The following REEP5 variants were observed in gnomAD, a reference collection of about 807,000 sequenced individuals.
REEP5 encodes the protein receptor accessory protein 5.
REEP5 carries 24 observed loss-of-function variants against 22.4 expected under a neutral mutation model. The ratio of observed to expected loss-of-function variants is 1.07; its 90% CI spans 0.78 to 1.51. The LOEUF (loss-of-function observed/expected upper bound fraction) is 1.51. Ranked by LOEUF, REEP5 falls within the 40% of genes most tolerant of loss-of-function variation. REEP5 has a pLI of 0.00. For missense variants in REEP5, 252 were observed against 233.0 expected (o/e 1.08, Z -0.53); for synonymous variants, 103 against 88.6 (o/e 1.16, Z -0.92).
intron 3 of REEP5, among the ~76,000 whole-genome samples, chr5:112,901,817 G>T (rs1768854086): frequency 6.6e-6 from 1 of 151,310 alleles, no homozygotes; most frequent in South Asian, 2.1e-4. Flanking sequence ...ACAAAAATTA[G>T]CCAAGCATGG....
chr5:112,897,076 A>G (rs982666999), intron 3 of REEP5: 1 of 152,224 alleles, frequency 6.6e-6, no homozygotes, highest in Non-Finnish European at 1.5e-5. Context: ...ATAACATTAG[A>G]TAGCTATGTC....
At chr5:112,881,872 C>T (rs1372119052) in intron 4 of REEP5, 3 of 152,138 alleles carry the variant, frequency 2.0e-5, no homozygotes, top group African/African-American at 7.2e-5. Context: ...TCAGGTGATC[C>T]TCCCATCTCA....
chr5:112,918,109 G>A (rs995005217), intron 2 of REEP5, among the ~76,000 whole-genome samples: 38 of 152,176 alleles, frequency 2.5e-4, no homozygotes, highest in Non-Finnish European at 4.4e-5. Flanking sequence ...TATGTCAACA[G>A]TTCTTGATGA....
intron 2 of REEP5, among the ~76,000 whole-genome samples, chr5:112,914,103 A>C (rs1349321378): frequency 6.7e-6 from 1 of 150,342 alleles, no homozygotes; most frequent in African/African-American, 2.4e-5. Context: ...TGTTCATGCC[A>C]TTGCACTCAG....
In REEP5 at chr5:112,915,997, G is replaced by A. The variant is rs60696542; in HGVS notation, c.212+5166C>T. Among the ~76,000 whole-genome samples the A allele has an allele frequency of 7.4e-3, 1,127 of 152,014 alleles. 13 individuals carry two copies. The highest frequency in any genetic ancestry group is 0.025 in the African/African-American group (1,055 of 41,472). ...TTAAGGAAACAGCTCTGCTTCCAGT[G>A]ACTAGCTGCAAAACAGAAAGTGTCT... On this transcript the variant is annotated intron_variant, in intron 2 of 4. Transcript: ENST00000379638.
At chr5:112,905,563 A>ACAAAC (rs1416342657) in intron 2 of REEP5, among the ~76,000 whole-genome samples, 3 of 147,526 alleles carry the variant, frequency 2.0e-5, no homozygotes, top group African/African-American at 5.0e-5. Context: ...AAACAAAAAA[A>ACAAAC]AAACAAACTT....
intron 2 of REEP5, among the ~76,000 whole-genome samples, chr5:112,919,512 A>G (rs1388287909): frequency 6.6e-6 from 1 of 152,062 alleles, no homozygotes; most frequent in Non-Finnish European, 1.5e-5. Context: ...GTTGCAGTGA[A>G]CTGAGATTAC....
chr5:112,914,280 C>T (rs1199528396), intron 2 of REEP5, among the ~76,000 whole-genome samples: 1 of 151,402 alleles, frequency 6.6e-6, no homozygotes, highest in Non-Finnish European at 1.5e-5. Context: ...GACAGGGTCT[C>T]ACTCTGTCAC....
chr5:112,917,839 A>C (rs569892503), intron 2 of REEP5, among the ~76,000 whole-genome samples: 1 of 152,340 alleles, frequency 6.6e-6, no homozygotes, highest in South Asian at 2.1e-4. Context: ...AGTGGTTTCC[A>C]GGGGCTGGGT....
chr5:112,899,658 C>CT (rs1253183765), intron 3 of REEP5, among the ~76,000 whole-genome samples: 3 of 152,076 alleles, frequency 2.0e-5, no homozygotes, highest in Non-Finnish European at 4.4e-5. Context: ...TTGTGCAGCT[C>CT]TTTAATGCAC....
At chr5:112,891,220 G>A (rs924411114) in intron 3 of REEP5, among the ~76,000 whole-genome samples, 5 of 151,988 alleles carry the variant, frequency 3.3e-5, no homozygotes, top group Admixed American at 6.6e-5. Context: ...TTACAGGCAC[G>A]TGCTACCAAG....
At chr5:112,921,429 T>C in intron 1 of REEP5, 173 bp from the exon 2 acceptor site, 1 of 655,204 alleles carries the variant, frequency 1.5e-6, no homozygotes, top group Non-Finnish European at 2.7e-6. Context: ...CGCTGGGCTA[T>C]GCCTTGAAGT....
At chr5:112,905,342 AC>A (rs1768932096) in intron 2 of REEP5, among the ~76,000 whole-genome samples, 1 of 152,066 alleles carries the variant, frequency 6.6e-6, no homozygotes, top group East Asian at 1.9e-4. Context: ...GAAGTTCAAG[AC>A]CAGCCTGGCC....
At chr5:112,921,364 G>T in intron 1 of REEP5, 108 bp from the exon 2 acceptor site, 2 of 1,031,118 alleles carry the variant, frequency 1.9e-6, no homozygotes, top group South Asian at 1.3e-5. Context: ...TTTTCCTCTC[G>T]ACTCGATTAA....
At chr5:112,891,583 T>C (rs1580736897) in intron 3 of REEP5, 1 of 1,553,686 alleles carries the variant, frequency 6.4e-7, no homozygotes, top group South Asian at 1.2e-5. Flanking sequence ...ATGAACAAAA[T>C]CTTCCATATA....
intron 3 of REEP5, among the ~76,000 whole-genome samples, chr5:112,899,139 G>A (rs1768782647): frequency 6.6e-6 from 1 of 151,928 alleles, no homozygotes; most frequent in South Asian, 2.1e-4. Context: ...AGTGCAGTTG[G>A]GTGATCATTG....
intron 4 of REEP5, among the ~76,000 whole-genome samples, chr5:112,879,120 T>G (rs1249164686): frequency 6.6e-6 from 1 of 152,136 alleles, no homozygotes; most frequent in East Asian, 1.9e-4. Context: ...CCCTCTATTC[T>G]CCTTTAAGCA....
intron 2 of REEP5, among the ~76,000 whole-genome samples, chr5:112,906,833 G>A (rs1394228064): frequency 6.6e-6 from 1 of 152,156 alleles, no homozygotes; most frequent in Non-Finnish European, 1.5e-5. Context: ...CACAGCACCT[G>A]CCCTACGTGT....
chr5:112,909,155 T>C (rs1319624151), intron 2 of REEP5, among the ~76,000 whole-genome samples: 1 of 150,918 alleles, frequency 6.6e-6, no homozygotes, highest in Non-Finnish European at 1.5e-5. Flanking sequence ...TTTGTAGCTC[T>C]GTATTCTAGC....
Sources: allele counts gnomAD v4.1 joint callset (sites outside exome capture counted in the v4.1 genomes callset), GRCh38; gene constraint gnomAD v4.1.1; transcripts MANE v1.5; gene names NCBI Gene and HGNC (gene_info 2026-07-23, HGNC 2026-07-21).